The following PROM1 variants were observed in gnomAD, a reference collection of about 807,000 sequenced individuals.
PROM1 encodes prominin-1.
In PROM1, 105 loss-of-function variants were observed where a neutral mutation model predicts 116.9. The observed-to-expected ratio is 0.90, with a 90% confidence interval of 0.77 to 1.06. The LOEUF (loss-of-function observed/expected upper bound fraction) is 1.06, where lower values mean the gene tolerates loss of function less well. PROM1 is among the 50% of genes least tolerant of loss of function. The pLI is 0.00. For synonymous variants in PROM1, 393 were observed against 387.0 expected, an observed-to-expected ratio of 1.02 and a Z score of -0.18; for missense variants, 1,122 against 1,045.2, an observed-to-expected ratio of 1.07 and a Z score of -1.01.
intron 3 of PROM1, chr4:16,037,835 T>A (rs1734284875): frequency 6.6e-6 from 1 of 152,266 alleles, no homozygotes; most frequent in Non-Finnish European, 1.5e-5. Flanking sequence ...CCTGTTTAGG[T>A]AGGCAGTCGC....
At chr4:16,038,404 A>T (rs762185306) in intron 3 of PROM1, among the ~76,000 whole-genome samples, 9 of 152,030 alleles carry the variant, frequency 5.9e-5, no homozygotes, top group Non-Finnish European at 1.3e-4. Context: ...TTATTTATTT[A>T]TTTGTTTATT....
chr4:16,038,941 A>G lies in PROM1; in HGVS notation c.276+5T>C. 1 of 1,475,354 alleles carries G rather than the reference A, an allele frequency of 6.8e-7. No individual in the cohort carries two copies. Among genetic ancestry groups the G allele is most frequent in the Non-Finnish European group, 9.0e-7 (1 of 1,111,502 alleles). The allele number at this position is 1,475,354 out of a possible 1,614,324, so 91.4% of individuals were successfully genotyped here. A position where few individuals can be genotyped will look rare whatever the true frequency, so the allele number is the denominator to read the frequency against. On this transcript the variant is annotated splice_donor_5th_base_variant and intron_variant, in intron 3 of 27. Coordinates refer to ENST00000447510, the MANE Select transcript of PROM1 (RefSeq NM_006017.3). The stretch of plus-strand genomic sequence containing the variant: ...TTAATAATAAATACACCAATGAAAA[A>G]TTACCTTGTCATAATCAATTTTGGA...
chr4:15,986,917 G>A (rs1719559246), intron 20 of PROM1, among the ~76,000 whole-genome samples: 1 of 152,188 alleles, frequency 6.6e-6, no homozygotes, highest in Admixed American at 6.5e-5. Flanking sequence ...TATCTTCTGA[G>A]TTGCCCATTG....
chr4:15,971,159 G>A, intron 26 of PROM1, 77 bp from the exon 27 acceptor site: 1 of 1,255,022 alleles, frequency 8.0e-7, no homozygotes, highest in Non-Finnish European at 1.1e-6. Flanking sequence ...GTGCTAAGAA[G>A]CAGGCATGTG....
chr4:16,046,633 C>T (rs1736607044), intron 2 of PROM1, among the ~76,000 whole-genome samples: 2 of 152,164 alleles, frequency 1.3e-5, no homozygotes, highest in South Asian at 2.1e-4. Context: ...AGGAAAACAA[C>T]CCTTAGATAT....
intron 11 of PROM1, among the ~76,000 whole-genome samples, chr4:16,011,122 C>T (rs578114549): frequency 3.9e-5 from 6 of 152,256 alleles, no homozygotes; most frequent in South Asian, 2.1e-4. Context: ...GACATGGCTC[C>T]GTGACTTTGC....
intron 2 of PROM1, among the ~76,000 whole-genome samples, chr4:16,060,461 G>A (rs926955796): frequency 5.3e-5 from 8 of 151,990 alleles, no homozygotes; most frequent in African/African-American, 1.7e-4. Context: ...CTACAGGCAC[G>A]TGCTACCACG....
At chr4:15,974,451 C>A (rs1036229840) in intron 26 of PROM1, among the ~76,000 whole-genome samples, 5 of 151,444 alleles carry the variant, frequency 3.3e-5, no homozygotes, top group African/African-American at 7.3e-5. Flanking sequence ...AAAAAGAGAC[C>A]AAAAAAAACT....
intron 13 of PROM1, among the ~76,000 whole-genome samples, chr4:16,002,493 G>A (rs1937601554): frequency 6.6e-6 from 1 of 152,194 alleles, no homozygotes; most frequent in Non-Finnish European, 1.5e-5. Context: ...AATCACCACA[G>A]CATCCCCTCC....
intron 8 of PROM1, among the ~76,000 whole-genome samples, chr4:16,019,638 A>G (rs1459990372): frequency 6.6e-6 from 1 of 152,178 alleles, no homozygotes; most frequent in Non-Finnish European, 1.5e-5. Flanking sequence ...TTTTTTCTAC[A>G]GTGGCTTAAA....
chr4:15,998,446 A>G lies in PROM1; in HGVS notation c.1621T>C (p.Tyr541His). The G allele has an allele frequency of 6.2e-7, 1 of 1,609,484 alleles. No individual in the cohort carries two copies. Among genetic ancestry groups the G allele is most frequent in the Non-Finnish European group, 8.5e-7 (1 of 1,178,746 alleles). ...PYLLNEDWEYYLSGKLFNKSK... is the reference protein window; with the variant it reads ...PYLLNEDWEYHLSGKLFNKSK... ...TTATTAAATAGCTTCCCAGAGAGAT[A>G]GTATTCCCAGTCTTCATTTAGTAAG... is the stretch of plus-strand genomic sequence containing the variant. The change falls in exon 15 of 28, where the codon TAT becomes CAT. Residue 541 changes from tyrosine to histidine, a missense_variant. Tyr to His is a moderately conservative substitution (Grantham distance 83, BLOSUM62 2). Transcript: ENST00000447510.
At position 15,984,275 on chromosome 4, in the gene PROM1, A is replaced by T. The variant is rs754973472; in HGVS notation, c.2361T>A (p.Ile787=). 2.5e-6 allele frequency: 4 copies of T among 1,600,954 alleles called. No individual in the cohort carries two copies. The highest frequency in any genetic ancestry group is 3.4e-6 in the Non-Finnish European group (4 of 1,170,370). ...GATGAAATCTTACCAAGGGGTCGAT[A>T]ATGTAGCTACACAGAAAGACATCAA... ...TAVDVFLCSY[I]IDPLNLFWFG... The change falls in exon 23 of 28, where the codon ATT becomes ATA. Residue 787 remains isoleucine (I), a synonymous_variant. Transcript: ENST00000447510.
At position 15,968,519 on chromosome 4, in the gene PROM1, GAAC is replaced by G. The variant is rs1275983057; in HGVS notation, c.*871_*873del. 6.6e-6 allele frequency: 1 copy of G among 152,160 alleles called. No individual in the cohort carries two copies. Among genetic ancestry groups the G allele is most frequent in the African/African-American group, 2.4e-5 (1 of 41,446 alleles). The allele number at this position is 152,160 out of a possible 1,614,324, so 9.4% of individuals were successfully genotyped here. A position where few individuals can be genotyped will look rare whatever the true frequency, so the allele number is the denominator to read the frequency against. On this transcript the variant is annotated 3_prime_UTR_variant, in exon 28 of 28. Coordinates refer to ENST00000447510, the MANE Select transcript of PROM1 (RefSeq NM_006017.3). ...CAGGATCTTCTCATATTTCATTTTA[GAAC>G]ACTTGATACTAGTCTGATGATACTC...
intron 15 of PROM1, among the ~76,000 whole-genome samples, chr4:15,997,133 A>G (rs1219193817): frequency 1.3e-5 from 2 of 151,716 alleles, no homozygotes; most frequent in African/African-American, 4.8e-5. Flanking sequence ...ACCTAAGACT[A>G]CCAACCATCA....
intron 14 of PROM1, among the ~76,000 whole-genome samples, chr4:15,999,331 C>T (rs549269870): frequency 2.6e-5 from 4 of 152,034 alleles, no homozygotes; most frequent in Admixed American, 6.5e-5. Flanking sequence ...ATTAGCCGCG[C>T]GTGGTGGCGG....
chr4:16,013,870 G>C (rs779291153), intron 10 of PROM1, among the ~76,000 whole-genome samples: 1 of 151,924 alleles, frequency 6.6e-6, no homozygotes, highest in Non-Finnish European at 1.5e-5. Context: ...CTATCCCATG[G>C]GCAGACAGAA....
intron 11 of PROM1, among the ~76,000 whole-genome samples, chr4:16,009,690 A>G (rs1159398958): frequency 6.6e-6 from 1 of 152,168 alleles, no homozygotes; most frequent in Non-Finnish European, 1.5e-5. Context: ...CTGTAATCCC[A>G]GCACTTTGGG....
intron 12 of PROM1, among the ~76,000 whole-genome samples, chr4:16,008,704 A>G (rs1726123149): frequency 6.6e-6 from 1 of 152,242 alleles, no homozygotes; most frequent in Non-Finnish European, 1.5e-5. Context: ...ACAAATTTGC[A>G]TATCATCTGT....
chr4:15,983,791 G>A (rs569425943), intron 23 of PROM1, among the ~76,000 whole-genome samples: 1 of 152,296 alleles, frequency 6.6e-6, no homozygotes, highest in South Asian at 2.1e-4. Flanking sequence ...AGCAGAGGGA[G>A]AGGATCCACT....
Sources: gnomAD v4.1 joint callset for allele counts (sites outside exome capture counted in the v4.1 genomes callset) on GRCh38, gnomAD v4.1.1 for gene constraint, MANE v1.5 for transcripts, NCBI Gene and HGNC (gene_info 2026-07-23, HGNC 2026-07-21) for gene names.